TNFSF4: variants seen among roughly 807,000 people sequenced by gnomAD.
TNFSF4 encodes the protein tumor necrosis factor ligand superfamily member 4.
A neutral mutation model predicts 7.3 loss-of-function variants in TNFSF4; 4 were observed. The ratio of observed to expected loss-of-function variants is 0.55; its 90% CI spans 0.27 to 1.25. The LOEUF (loss-of-function observed/expected upper bound fraction) is 1.25. TNFSF4 is among the 50% of genes most tolerant of loss of function. The probability of loss-of-function intolerance (pLI) is 0.12; values close to 1 mark genes in which losing one functional copy is unlikely to be tolerated. For missense variants in TNFSF4, 181 were observed against 208.8 expected (o/e 0.87, Z 0.82); for synonymous variants, 76 against 83.7 (o/e 0.91, Z 0.50).
chr1:173,287,721 T>A, the TNFSF4 span, among the ~76,000 whole-genome samples: 4 of 152,180 alleles, frequency 2.6e-5, no homozygotes, highest in African/African-American at 9.7e-5. Context: ...ATGGAATTCT[T>A]CATAACATTA....
the TNFSF4 span, among the ~76,000 whole-genome samples, chr1:173,227,389 C>A: frequency 4.6e-5 from 7 of 152,264 alleles, no homozygotes; most frequent in East Asian, 1.3e-3. Context: ...ACTTTCCATT[C>A]ATCCTCAAAT....
the TNFSF4 span, among the ~76,000 whole-genome samples, chr1:173,409,146 T>C: frequency 2.6e-3 from 395 of 152,204 alleles, no homozygotes; most frequent in Middle Eastern, 6.8e-3. Context: ...TCTGAGGAAA[T>C]ATGAGACAAA....
chr1:173,195,291 C>T (rs1283976472), intron 1 of TNFSF4, among the ~76,000 whole-genome samples: 1 of 152,038 alleles, frequency 6.6e-6, no homozygotes, highest in African/African-American at 2.4e-5. Context: ...ATCCAGAAAC[C>T]CTGCTCTAGA....
the TNFSF4 span, among the ~76,000 whole-genome samples, chr1:173,341,361 G>T: frequency 6.6e-6 from 1 of 152,130 alleles, no homozygotes. Flanking sequence ...AATAATTCGT[G>T]TAACCCCAAA....
At chr1:173,210,881 T>G (rs1000358103), upstream of TNFSF4, among the ~76,000 whole-genome samples, 2 of 152,122 alleles carry the variant, frequency 1.3e-5, no homozygotes, top group Non-Finnish European at 2.9e-5. Flanking sequence ...GTACAGGAAG[T>G]TTCCTCCTGC....
At chr1:173,267,427 G>C in the TNFSF4 span, among the ~76,000 whole-genome samples, 1 of 152,130 alleles carries the variant, frequency 6.6e-6, no homozygotes, top group South Asian at 2.1e-4. Flanking sequence ...TTCCCAATTT[G>C]CATACCAGTA....
chr1:173,295,829 A>T, the TNFSF4 span, among the ~76,000 whole-genome samples: 1 of 152,122 alleles, frequency 6.6e-6, no homozygotes, highest in East Asian at 1.9e-4. Context: ...TCTTCCACCC[A>T]AACTTCATCA....
the TNFSF4 span, among the ~76,000 whole-genome samples, chr1:173,404,081 A>G: frequency 6.6e-6 from 1 of 152,348 alleles, no homozygotes; most frequent in East Asian, 1.9e-4. Context: ...GTCCAGGAAC[A>G]TAGAGCACTA....
upstream of TNFSF4, among the ~76,000 whole-genome samples, chr1:173,209,834 A>G (rs1314520877): frequency 2.0e-5 from 3 of 152,200 alleles, no homozygotes; most frequent in African/African-American, 7.2e-5. Context: ...CACAAATATT[A>G]AATACATAAG....
At chr1:173,445,166 G>A in the TNFSF4 span, among the ~76,000 whole-genome samples, 12 of 152,268 alleles carry the variant, frequency 7.9e-5, no homozygotes, top group African/African-American at 2.2e-4. Flanking sequence ...GCTGATTACA[G>A]CTAAAAACTC....
chr1:173,400,690 T>C, the TNFSF4 span, among the ~76,000 whole-genome samples: 40 of 152,242 alleles, frequency 2.6e-4, no homozygotes, highest in East Asian at 6.8e-3. Context: ...CACAATGGAG[T>C]AAGGAAGAGT....
At chr1:173,320,207 C>T in the TNFSF4 span, among the ~76,000 whole-genome samples, 45 of 152,302 alleles carry the variant, frequency 3.0e-4, no homozygotes, top group African/African-American at 9.9e-4. Context: ...TAATCAATTA[C>T]ATAAACAGGA....
chr1:173,276,050 C>A, the TNFSF4 span, among the ~76,000 whole-genome samples: 1 of 152,010 alleles, frequency 6.6e-6, no homozygotes, highest in Non-Finnish European at 1.5e-5. Flanking sequence ...TAAATGAACT[C>A]TTTAAAAATG....
the TNFSF4 span, among the ~76,000 whole-genome samples, chr1:173,225,607 T>C: frequency 1.3e-5 from 2 of 152,198 alleles, no homozygotes; most frequent in Admixed American, 1.3e-4. Flanking sequence ...AAGTATTCTC[T>C]GAATGAATTA....
At chr1:173,388,862 T>C in the TNFSF4 span, among the ~76,000 whole-genome samples, 1 of 152,202 alleles carries the variant, frequency 6.6e-6, no homozygotes. Flanking sequence ...CAAAAATTCT[T>C]GGGCCTCTTT....
At chr1:173,190,919 G>T (rs758216083) in intron 1 of TNFSF4, among the ~76,000 whole-genome samples, 2 of 152,196 alleles carry the variant, frequency 1.3e-5, no homozygotes, top group Admixed American at 6.5e-5. Context: ...AAAGTCACTA[G>T]AAGATCAGGG....
the TNFSF4 span, among the ~76,000 whole-genome samples, chr1:173,386,521 C>T: frequency 6.6e-6 from 1 of 152,152 alleles, no homozygotes; most frequent in South Asian, 2.1e-4. Context: ...AATGCCTAGT[C>T]GAGCCATGGG....
chr1:173,378,388 CA>C, the TNFSF4 span, among the ~76,000 whole-genome samples: 19 of 152,242 alleles, frequency 1.2e-4, no homozygotes, highest in Non-Finnish European at 2.2e-4. Flanking sequence ...GGTCCTTGGG[CA>C]GGGGGAGAAA....
rs540149197 is a variant in TNFSF4 at position 173,198,050 on chromosome 1, C to A, written c.153+8974G>T. ...AGAGAAGAAAAAAAAAGAAATTGGC[C>A]CATTCATCCTTGAATACAAAGACAG... On this transcript the variant is annotated intron_variant, in intron 1 of 2. Coordinates refer to ENST00000281834, the MANE Select transcript of TNFSF4 (RefSeq NM_003326.5). Among the ~76,000 whole-genome samples, 3 of 152,186 alleles carry A rather than the reference C, an allele frequency of 2.0e-5. 1 individual carries two copies. Among genetic ancestry groups the A allele is most frequent in the African/African-American group, 7.2e-5 (3 of 41,534 alleles).
Sources: gnomAD v4.1 joint callset for allele counts (sites outside exome capture counted in the v4.1 genomes callset) on GRCh38, gnomAD v4.1.1 for gene constraint, MANE v1.5 for transcripts, NCBI Gene and HGNC (gene_info 2026-07-23, HGNC 2026-07-21) for gene names.